The following PDZRN4 variants were observed in gnomAD, a reference collection of about 807,000 sequenced individuals.
PDZRN4 encodes the protein PDZ domain-containing RING finger protein 4.
A neutral mutation model predicts 99.0 loss-of-function variants in PDZRN4; 70 were observed. The ratio of observed to expected loss-of-function variants is 0.71; its 90% CI spans 0.58 to 0.86. PDZRN4 has a LOEUF of 0.86. Among genes scored for constraint, PDZRN4 ranks in the 40% least tolerant of loss-of-function variants. The pLI is 0.00. For missense variants in PDZRN4, 1,474 were observed against 1,331.2 expected, an observed-to-expected ratio of 1.11 and a Z score of -1.67; for synonymous variants, 551 against 501.6, an observed-to-expected ratio of 1.10 and a Z score of -1.32.
chr12:41,231,204 A>G (rs1951027409), intron 3 of PDZRN4, among the ~76,000 whole-genome samples: 1 of 152,138 alleles, frequency 6.6e-6, no homozygotes, highest in African/African-American at 2.4e-5. Context: ...TAGACTTGAT[A>G]AGCCCTTGAG....
Position 41,250,973 on chromosome 12 carries a change from C to A in PDZRN4, c.843+56785C>A, listed in dbSNP as rs140124355. ...ACTTTTACTTTGACTGGACCACAGC[C>A]AACTTTTGGTAGTCATTGCTTTGAT... is the stretch of plus-strand genomic sequence containing the variant. On this transcript the variant is annotated intron_variant, in intron 3 of 9. Transcript: ENST00000402685. Among the ~76,000 whole-genome samples, 34 of 152,258 alleles carry A rather than the reference C, an allele frequency of 2.2e-4. No homozygotes were observed. The East Asian group carries it at 6.2e-3, about 28-fold the overall frequency.
At chr12:41,335,170 G>A (rs1951764806) in intron 3 of PDZRN4, among the ~76,000 whole-genome samples, 1 of 137,556 alleles carries the variant, frequency 7.3e-6, no homozygotes, top group Non-Finnish European at 1.6e-5. Flanking sequence ...ATCTAAAGCA[G>A]CTTAGAATAT....
At chr12:41,288,290 C>G (rs962957088) in intron 3 of PDZRN4, among the ~76,000 whole-genome samples, 2 of 152,038 alleles carry the variant, frequency 1.3e-5, no homozygotes, top group African/African-American at 4.8e-5. Context: ...GTCAGTAGGC[C>G]CTGGCTAACT....
At chr12:41,317,963 G>A (rs1374151937) in intron 3 of PDZRN4, among the ~76,000 whole-genome samples, 2 of 152,104 alleles carry the variant, frequency 1.3e-5, no homozygotes, top group South Asian at 2.1e-4. Flanking sequence ...AAAACCACAG[G>A]CAGGTGATTT....
intron 3 of PDZRN4, among the ~76,000 whole-genome samples, chr12:41,290,875 T>C (rs1951452815): frequency 6.6e-6 from 1 of 152,140 alleles, no homozygotes; most frequent in Non-Finnish European, 1.5e-5. Flanking sequence ...TTTACAATTT[T>C]CTATGTCTAA....
intron 3 of PDZRN4, among the ~76,000 whole-genome samples, chr12:41,199,320 C>T (rs1169597009): frequency 6.6e-6 from 1 of 152,014 alleles, no homozygotes; most frequent in Non-Finnish European, 1.5e-5. Context: ...CATCTTACAC[C>T]AGTCAGAAAA....
intron 3 of PDZRN4, among the ~76,000 whole-genome samples, chr12:41,307,411 GTTC>G (rs1951578275): frequency 6.6e-6 from 1 of 152,036 alleles, no homozygotes; most frequent in African/African-American, 2.4e-5. Flanking sequence ...TCTCTCACTT[GTTC>G]TTCTTAAAAG....
chr12:41,278,017 G>T (rs1213815017), intron 3 of PDZRN4, among the ~76,000 whole-genome samples: 1 of 152,216 alleles, frequency 6.6e-6, no homozygotes, highest in Non-Finnish European at 1.5e-5. Flanking sequence ...TTATGCTAAT[G>T]ACGCTCTTAG....
chr12:41,322,516 A>C (rs1316677881), intron 3 of PDZRN4, among the ~76,000 whole-genome samples: 1 of 113,320 alleles, frequency 8.8e-6, no homozygotes. Context: ...TTTGAGACAG[A>C]GTCTCACTCT....
At chr12:41,216,091 A>G (rs1950919377) in intron 3 of PDZRN4, among the ~76,000 whole-genome samples, 1 of 151,952 alleles carries the variant, frequency 6.6e-6, no homozygotes, top group Non-Finnish European at 1.5e-5. Flanking sequence ...CTAGTTAGCA[A>G]ATTTAATTAT....
chr12:41,445,922 G>A (rs1160749), intron 3 of PDZRN4, among the ~76,000 whole-genome samples: 77,433 of 151,762 alleles, frequency 0.51, 20,230 homozygotes, highest in African/African-American at 0.64. Context: ...TAAATGCAAC[G>A]TTTCCAAAGT....
chr12:41,258,347 G>T (rs1414477651), intron 3 of PDZRN4, among the ~76,000 whole-genome samples: 1 of 152,020 alleles, frequency 6.6e-6, no homozygotes, highest in African/African-American at 2.4e-5. Flanking sequence ...GAAGGAGGGA[G>T]GAAAGGAGAG....
intron 3 of PDZRN4, among the ~76,000 whole-genome samples, chr12:41,203,460 G>A (rs1288107452): frequency 6.6e-6 from 1 of 152,006 alleles, no homozygotes; most frequent in Admixed American, 6.6e-5. Context: ...GACAAGGTAG[G>A]ACTTGTGTGT....
chr12:41,500,183 G>A (rs1410458115), intron 3 of PDZRN4, among the ~76,000 whole-genome samples: 1 of 151,912 alleles, frequency 6.6e-6, no homozygotes, highest in Non-Finnish European at 1.5e-5. Context: ...GTCAGTAAGG[G>A]AACAGACTAC....
intron 3 of PDZRN4, among the ~76,000 whole-genome samples, chr12:41,411,068 T>TATATATATATATA (rs1555141008): frequency 8.3e-4 from 70 of 84,010 alleles, no homozygotes; most frequent in African/African-American, 4.3e-3. Context: ...TATATATATA[T>TATATATATATATA]TTTTTTTTTA....
intron 5 of PDZRN4, among the ~76,000 whole-genome samples, chr12:41,515,144 GATCT>G (rs1272465360): frequency 6.6e-6 from 1 of 151,990 alleles, no homozygotes; most frequent in Non-Finnish European, 1.5e-5. Flanking sequence ...GTCCATCTCT[GATCT>G]TGAGAGAGGC....
intron 3 of PDZRN4, among the ~76,000 whole-genome samples, chr12:41,373,258 G>A (rs1301741739): frequency 6.6e-6 from 1 of 152,098 alleles, no homozygotes; most frequent in Non-Finnish European, 1.5e-5. Flanking sequence ...GTCATTGATA[G>A]CATCTTATCA....
chr12:41,539,575 G>A (rs1015821320), intron 5 of PDZRN4, among the ~76,000 whole-genome samples: 2 of 151,982 alleles, frequency 1.3e-5, no homozygotes, highest in African/African-American at 2.4e-5. Flanking sequence ...AAATAGCTTA[G>A]AAACATTGCA....
chr12:41,571,538 A>G (rs1250558244), intron 9 of PDZRN4, among the ~76,000 whole-genome samples: 1 of 152,112 alleles, frequency 6.6e-6, no homozygotes, highest in Non-Finnish European at 1.5e-5. Context: ...TTCTCAATAG[A>G]CTAAAATTTA....
Sources: allele counts gnomAD v4.1 joint callset (sites outside exome capture counted in the v4.1 genomes callset), GRCh38; gene constraint gnomAD v4.1.1; transcripts MANE v1.5; gene names NCBI Gene and HGNC (gene_info 2026-07-23, HGNC 2026-07-21).